RSPH9: variants seen among roughly 807,000 people sequenced by gnomAD.
RSPH9 encodes radial spoke head protein 9 homolog.
In RSPH9, 27 loss-of-function variants were observed where a neutral mutation model predicts 27.0. The ratio of observed to expected loss-of-function variants is 1.00; its 90% CI spans 0.74 to 1.38. The LOEUF (loss-of-function observed/expected upper bound fraction) is 1.38, where lower values mean the gene tolerates loss of function less well. RSPH9 is among the 40% of genes most tolerant of loss of function. RSPH9 has a pLI of 0.00. For missense variants in RSPH9, 347 were observed against 357.4 expected (o/e 0.97, Z 0.24); for synonymous variants, 145 against 147.7 (o/e 0.98, Z 0.13).
chr6:43,653,401 C>T lies in RSPH9; in HGVS notation c.394-2161C>T, dbSNP rs545818099. On this transcript the variant is annotated intron_variant, in intron 2 of 4. Transcript: ENST00000372163. Reference sequence around the variant, plus strand: ...GGCGGAGGTTGCAGTGAGCCAAGATCGCGTCATTGCACTCCAGCCTGGGTG... The same window carrying T: ...GGCGGAGGTTGCAGTGAGCCAAGATTGCGTCATTGCACTCCAGCCTGGGTG... Among the ~76,000 whole-genome samples, 7 of 145,758 alleles carry T rather than the reference C, an allele frequency of 4.8e-5. No individual in the cohort carries two copies. In the East Asian group the frequency reaches 6.3e-4, roughly 13 times the overall value.
chr6:43,669,224 C>A (rs528584993), intron 4 of RSPH9, among the ~76,000 whole-genome samples: 2 of 152,348 alleles, frequency 1.3e-5, no homozygotes, highest in South Asian at 4.1e-4. Context: ...TGACGTCATC[C>A]TTTGCATGGG....
In RSPH9 at chr6:43,670,862, C is replaced by A. The variant is rs1773656067; in HGVS notation, c.744C>A (p.Thr248=). The change falls in exon 5 of 5, where the codon ACC becomes ACA. Residue 248 remains threonine, a synonymous_variant. Coordinates refer to ENST00000372163, the MANE Select transcript of RSPH9 (RefSeq NM_152732.5). ...GCAGCCTGCTCTGGCCGGGCCTCAC[C>A]TTCTACCATGCTCCCCGCACCAAGA... ...VLRSLLWPGL[T]FYHAPRTKNY... 3.1e-6 allele frequency: 5 copies of A among 1,614,240 alleles called. No homozygotes were observed. The highest frequency in any genetic ancestry group is 4.2e-6 in the Non-Finnish European group (5 of 1,180,046).
At chr6:43,660,863 C>A (rs1203595297) in intron 4 of RSPH9, among the ~76,000 whole-genome samples, 1 of 149,754 alleles carries the variant, frequency 6.7e-6, no homozygotes, top group East Asian at 1.9e-4. Flanking sequence ...TTATCTATGG[C>A]AGTTATAGCT....
chr6:43,664,375 C>A (rs546538989), intron 4 of RSPH9, among the ~76,000 whole-genome samples: 2 of 152,112 alleles, frequency 1.3e-5, no homozygotes, highest in Non-Finnish European at 2.9e-5. Flanking sequence ...GGACTACAGG[C>A]GTGAGCCACT....
At chr6:43,655,440 T>C in intron 2 of RSPH9, 122 bp from the exon 3 acceptor site, 2 of 1,027,404 alleles carry the variant, frequency 1.9e-6, no homozygotes, top group Admixed American at 3.4e-5. Flanking sequence ...CAGCGTGATC[T>C]GTGTGGCTCT....
At chr6:43,649,486 A>T (rs1771223399) in intron 1 of RSPH9, among the ~76,000 whole-genome samples, 1 of 151,952 alleles carries the variant, frequency 6.6e-6, no homozygotes, top group South Asian at 2.1e-4. Flanking sequence ...CAGCTGAGCC[A>T]TTTTTATGTT....
At chr6:43,654,398 A>G (rs1396285730) in intron 2 of RSPH9, among the ~76,000 whole-genome samples, 1 of 152,226 alleles carries the variant, frequency 6.6e-6, no homozygotes, top group Non-Finnish European at 1.5e-5. Context: ...CTTTAAATAT[A>G]TGCATAGAGG....
At chr6:43,668,578 A>C (rs1356477013) in intron 4 of RSPH9, among the ~76,000 whole-genome samples, 1 of 152,120 alleles carries the variant, frequency 6.6e-6, no homozygotes, top group East Asian at 1.9e-4. Context: ...CGCCCCCTGC[A>C]TTATCTACTG....
At chr6:43,658,294 AAAAAAAAAAAAAAAAAG>A (rs1772237340) in intron 4 of RSPH9, among the ~76,000 whole-genome samples, 1 of 134,854 alleles carries the variant, frequency 7.4e-6, no homozygotes, top group Non-Finnish European at 1.5e-5. Context: ...TCCGTCTCAA[AAAAAAAAAAAAAAAAAG>A]AAAAAAAAAA....
chr6:43,656,189 G>A (rs1353265844), intron 3 of RSPH9, among the ~76,000 whole-genome samples: 5 of 151,500 alleles, frequency 3.3e-5, no homozygotes, highest in Admixed American at 1.3e-4. Context: ...GGGTTCAAGC[G>A]ATTCTCCTGC....
intron 3 of RSPH9, among the ~76,000 whole-genome samples, chr6:43,656,327 C>G (rs1473015871): frequency 6.6e-6 from 1 of 152,212 alleles, no homozygotes; most frequent in Non-Finnish European, 1.5e-5. Flanking sequence ...CTCAGGTGAT[C>G]TGCCTGCCTC....
chr6:43,654,593 TG>T (rs35425256), intron 2 of RSPH9, among the ~76,000 whole-genome samples: 4 of 152,050 alleles, frequency 2.6e-5, no homozygotes, highest in African/African-American at 9.7e-5. Flanking sequence ...GAGGCCAAGG[TG>T]GGTGGATCAC....
At position 43,655,584 on chromosome 6, in the gene RSPH9, G is replaced by A. The variant is rs142363099; in HGVS notation, c.416G>A (p.Arg139His). ...EIVVQIKEET[R>H]LVSVIDQIDK... ...CAGGTCCAGATCAAGGAAGAGACCCGCTTGGTGTCTGTCATTGACCAGATT... is the reference window on the plus strand; with the variant it reads ...CAGGTCCAGATCAAGGAAGAGACCCACTTGGTGTCTGTCATTGACCAGATT... Residue 139 changes from arginine to histidine, a missense_variant, in exon 3 of 5, where the codon CGC becomes CAC. Coordinates refer to ENST00000372163, the MANE Select transcript of RSPH9 (RefSeq NM_152732.5). 20 of 1,614,102 alleles carry A rather than the reference G, an allele frequency of 1.2e-5. No homozygotes were observed. The highest frequency in any genetic ancestry group is 6.7e-5 in the Admixed American group (4 of 60,018).
intron 4 of RSPH9, among the ~76,000 whole-genome samples, chr6:43,662,319 A>G (rs1333723137): frequency 6.6e-6 from 1 of 151,392 alleles, no homozygotes; most frequent in African/African-American, 2.4e-5. Context: ...TTGATTTCCT[A>G]TCTAGACCAC....
rs573327402 is a variant in RSPH9 at position 43,655,635 on chromosome 6, G to A, written c.467G>A (p.Arg156Gln). 3.7e-6 allele frequency: 6 copies of A among 1,614,196 alleles called. No homozygotes were observed. The highest frequency in any genetic ancestry group is 2.2e-5 in the East Asian group (1 of 44,886). Residue 156 changes from arginine to glutamine, a missense_variant, in exon 3 of 5, where the codon CGA (arginine) becomes CAA (glutamine). By Grantham distance (43) the Arg-to-Gln change is conservative. Coordinates refer to ENST00000372163, the MANE Select transcript of RSPH9 (RefSeq NM_152732.5). ...QIDKAVAIIP[R>Q]GALFKTPFGP... Reference sequence around the variant, plus strand: ...GACAAGGCTGTGGCCATCATCCCCCGAGGCGCCCTCTTCAAGACCCCTTTT... The same window carrying A: ...GACAAGGCTGTGGCCATCATCCCCCAAGGCGCCCTCTTCAAGACCCCTTTT...
At chr6:43,667,660 G>C (rs542368873) in intron 4 of RSPH9, among the ~76,000 whole-genome samples, 11 of 152,058 alleles carry the variant, frequency 7.2e-5, no homozygotes, top group Non-Finnish European at 1.6e-4. Flanking sequence ...TTTGATACGG[G>C]TCTGGCAGCC....
At chr6:43,656,466 G>T in intron 3 of RSPH9, 111 bp from the exon 4 acceptor site, 2 of 1,216,770 alleles carry the variant, frequency 1.6e-6, no homozygotes, top group Non-Finnish European at 1.2e-6. Flanking sequence ...CTCTCTGACA[G>T]TGGTTGACAG....
chr6:43,672,362 A>G lies in RSPH9; in HGVS notation c.*1413A>G, dbSNP rs2277125. On this transcript the variant is annotated 3_prime_UTR_variant, in exon 5 of 5. Coordinates refer to ENST00000372163, the MANE Select transcript of RSPH9 (RefSeq NM_152732.5). ...AACTCCCCAGGGTACTATAACTGGT[A>G]TAAGACCCCTGCCCCTCACCCAACC... 66,289 of 472,082 alleles carry G rather than the reference A, an allele frequency of 0.14. 5,720 individuals carry two copies. Among genetic ancestry groups the G allele is most frequent in the East Asian group, 0.27 (3,853 of 14,416 alleles). The allele number at this position is 472,082 out of a possible 1,614,324, so 29.2% of individuals were successfully genotyped here. A position where few individuals can be genotyped will look rare whatever the true frequency, so the allele number is the denominator to read the frequency against.
intron 2 of RSPH9, among the ~76,000 whole-genome samples, chr6:43,654,697 C>T (rs1344751790): frequency 6.6e-6 from 1 of 152,282 alleles, no homozygotes; most frequent in African/African-American, 2.4e-5. Context: ...GTGATGCACG[C>T]CTGTAGTCCC....
Sources: gnomAD v4.1 joint callset for allele counts (sites outside exome capture counted in the v4.1 genomes callset) on GRCh38, gnomAD v4.1.1 for gene constraint, MANE v1.5 for transcripts, NCBI Gene and HGNC (gene_info 2026-07-23, HGNC 2026-07-21) for gene names.